Variants in SAXO1 observed in about 807,000 individuals in gnomAD.
The protein encoded by SAXO1 is 4930500O09Rik.
SAXO1 carries 21 observed loss-of-function variants against 17.5 expected under a neutral mutation model. The observed-to-expected ratio is 1.20, with a 90% CI of 0.85 to 1.72. SAXO1 has a LOEUF of 1.72. SAXO1 is among the 40% of genes most tolerant of loss of function. SAXO1 has a pLI of 0.00. For missense variants in SAXO1, 843 were observed against 596.0 expected, an observed-to-expected ratio of 1.41 and a Z score of -4.32; for synonymous variants, 274 against 216.5, an observed-to-expected ratio of 1.27 and a Z score of -2.33.
intron 1 of SAXO1, among the ~76,000 whole-genome samples, chr9:18,984,355 G>A (rs1244379916): frequency 6.6e-6 from 1 of 152,216 alleles, no homozygotes; most frequent in Non-Finnish European, 1.5e-5. Flanking sequence ...TTTGAAGCCA[G>A]GCATTGACTT....
chr9:18,933,643 C>G (rs1420730807), intron 3 of SAXO1, among the ~76,000 whole-genome samples: 1 of 152,168 alleles, frequency 6.6e-6, no homozygotes, highest in Non-Finnish European at 1.5e-5. Context: ...ATCATAATAT[C>G]ACTAGATATG....
chr9:18,983,212 G>A (rs993947156), intron 1 of SAXO1, among the ~76,000 whole-genome samples: 1 of 152,144 alleles, frequency 6.6e-6, no homozygotes, highest in Non-Finnish European at 1.5e-5. Context: ...TGCAATGGCT[G>A]GGGAGGCCTC....
chr9:18,999,770 G>A (rs1439797305), intron 1 of SAXO1, among the ~76,000 whole-genome samples: 25 of 147,166 alleles, frequency 1.7e-4, no homozygotes, highest in African/African-American at 5.8e-4. Context: ...CTGCCCGGCC[G>A]CCACACCATC....
At chr9:19,048,295 A>G (rs965142762) in intron 1 of SAXO1, among the ~76,000 whole-genome samples, 1 of 152,116 alleles carries the variant, frequency 6.6e-6, no homozygotes, top group African/African-American at 2.4e-5. Context: ...CGTCTCCACT[A>G]AAAATACAAA....
At chr9:18,999,742 G>A (rs1445024660) in intron 1 of SAXO1, among the ~76,000 whole-genome samples, 2 of 148,878 alleles carry the variant, frequency 1.3e-5, no homozygotes, top group Non-Finnish European at 3.0e-5. Context: ...CCCACTGTCT[G>A]GGAAGTGAGG....
At chr9:19,038,421 G>T (rs1481863655) in intron 1 of SAXO1, among the ~76,000 whole-genome samples, 1 of 151,878 alleles carries the variant, frequency 6.6e-6, no homozygotes, top group African/African-American at 2.4e-5. Context: ...GGAATACTAT[G>T]CAGCCATAAA....
chr9:18,963,514 A>C (rs1288060378), intron 1 of SAXO1, among the ~76,000 whole-genome samples: 6 of 152,210 alleles, frequency 3.9e-5, no homozygotes, highest in African/African-American at 1.4e-4. Flanking sequence ...GAGGTCCTTC[A>C]TATCCTTTGT....
chr9:18,957,548 G>A (rs548471085), intron 1 of SAXO1, among the ~76,000 whole-genome samples: 2 of 152,298 alleles, frequency 1.3e-5, no homozygotes, highest in South Asian at 2.1e-4. Context: ...GTAGTTGAGA[G>A]CTTGTGACCT....
intron 3 of SAXO1, among the ~76,000 whole-genome samples, chr9:18,935,894 C>T (rs189242506): frequency 1.1e-4 from 16 of 152,300 alleles, no homozygotes; most frequent in East Asian, 9.6e-4. Flanking sequence ...TAGCCTGCTC[C>T]GGCAGAGCCA....
At chr9:19,011,234 T>A (rs1445779746) in intron 1 of SAXO1, among the ~76,000 whole-genome samples, 1 of 152,204 alleles carries the variant, frequency 6.6e-6, no homozygotes, top group Non-Finnish European at 1.5e-5. Context: ...AAATAACTCA[T>A]TTTCTGACTG....
Position 18,989,710 on chromosome 9 carries a change from G to T in SAXO1, c.39-38773C>A, listed in dbSNP as rs146536809. Among the ~76,000 whole-genome samples the T allele has an allele frequency of 4.3e-4, 66 of 152,250 alleles. 1 individual carries two copies. The highest frequency in any genetic ancestry group is 4.3e-3 in the Admixed American group (65 of 15,294). ...GAACATCAAATTCACTTCAGACCAT[G>T]TTGAAATAAAGTCTTTAATCTGAAC... On this transcript the variant is annotated intron_variant, in intron 1 of 3. Transcript: ENST00000380534.
chr9:18,973,774 G>A (rs1330976771), intron 1 of SAXO1, among the ~76,000 whole-genome samples: 1 of 152,198 alleles, frequency 6.6e-6, no homozygotes, highest in African/African-American at 2.4e-5. Flanking sequence ...AAGGTGTTTA[G>A]TCTTACCTAT....
chr9:18,936,000 C>A (rs569102927), intron 3 of SAXO1, among the ~76,000 whole-genome samples: 1 of 152,252 alleles, frequency 6.6e-6, no homozygotes, highest in South Asian at 2.1e-4. Context: ...CAAGGTGCCA[C>A]AGTTTCTTTA....
In SAXO1 at chr9:18,928,757, T is replaced by G. The variant is rs919304582; in HGVS notation, c.720A>C (p.Gln240His). Residue 240 changes from glutamine to histidine, a missense_variant, in exon 4 of 4, where the codon CAA (glutamine) becomes CAC (histidine). Physicochemically the swap from Gln to His is conservative, Grantham distance 24 (BLOSUM62 0). Transcript: ENST00000380534. ...CEIPFESLTT[Q>H]KQSYRGLMGE... ...CCATCAGGCCCCGGTAGGATTGTTT[T>G]TGAGTGGTAAGGCTTTCAAAGGGGA... 3 of 1,613,936 alleles carry G rather than the reference T, an allele frequency of 1.9e-6. No individual in the cohort carries two copies. In the African/African-American group the frequency reaches 4.0e-5, roughly 22 times the overall value.
chr9:19,002,921 G>C (rs577469115), intron 1 of SAXO1, among the ~76,000 whole-genome samples: 2 of 152,286 alleles, frequency 1.3e-5, no homozygotes, highest in African/African-American at 2.4e-5. Context: ...AGAAATAAAA[G>C]GTATTCAATT....
intron 3 of SAXO1, among the ~76,000 whole-genome samples, chr9:18,938,844 G>A (rs866258844): frequency 3.3e-5 from 5 of 150,774 alleles, no homozygotes; most frequent in South Asian, 2.1e-4. Flanking sequence ...GTGTGTGTGT[G>A]TGTGTGTGTA....
At chr9:19,031,493 A>G (rs530431250) in intron 1 of SAXO1, among the ~76,000 whole-genome samples, 2 of 152,258 alleles carry the variant, frequency 1.3e-5, no homozygotes, top group Non-Finnish European at 2.9e-5. Context: ...ACCCTGAGGC[A>G]TAGGTTGCAG....
At chr9:19,026,236 T>G (rs930195745) in intron 1 of SAXO1, among the ~76,000 whole-genome samples, 1 of 152,168 alleles carries the variant, frequency 6.6e-6, no homozygotes, top group African/African-American at 2.4e-5. Flanking sequence ...GTACAATCAT[T>G]ATGTATCAAT....
intron 1 of SAXO1, among the ~76,000 whole-genome samples, chr9:18,979,751 G>C (rs1355517313): frequency 6.6e-6 from 1 of 152,226 alleles, no homozygotes; most frequent in East Asian, 1.9e-4. Flanking sequence ...AGAGGCAGGA[G>C]GATCACTTGA....
Sources: allele counts gnomAD v4.1 joint callset (sites outside exome capture counted in the v4.1 genomes callset), GRCh38; gene constraint gnomAD v4.1.1; transcripts MANE v1.5; gene names NCBI Gene and HGNC (gene_info 2026-07-23, HGNC 2026-07-21).